TBC1D4: variants seen among roughly 807,000 people sequenced by gnomAD.
TBC1D4 encodes the protein TBC (Tre-2, BUB2, CDC16) domain-containing protein.
Under a neutral mutation model 142.5 loss-of-function variants are expected in TBC1D4, and 121 were observed. The ratio of observed to expected loss-of-function variants is 0.85; its 90% CI spans 0.73 to 0.99. TBC1D4 has a LOEUF of 0.99. Among genes scored for constraint, TBC1D4 ranks in the 50% least tolerant of loss-of-function variants. The pLI is 0.00. For missense variants in TBC1D4, 1,475 were observed against 1,606.6 expected (o/e 0.92, Z 1.40); for synonymous variants, 630 against 628.2 (o/e 1.00, Z -0.04).
chr13:75,379,253 TAC>T (rs1292633137), intron 1 of TBC1D4, among the ~76,000 whole-genome samples: 4 of 151,640 alleles, frequency 2.6e-5, no homozygotes, highest in African/African-American at 9.7e-5. Context: ...TTTTTATACA[TAC>T]ACACATGCAC....
intron 16 of TBC1D4, among the ~76,000 whole-genome samples, chr13:75,300,053 T>G (rs1876373390): frequency 6.6e-6 from 1 of 152,186 alleles, no homozygotes; most frequent in African/African-American, 2.4e-5. Context: ...CTGCTTTTCT[T>G]ATGACACTGG....
intron 1 of TBC1D4, among the ~76,000 whole-genome samples, chr13:75,444,738 A>T (rs1887199509): frequency 6.6e-6 from 1 of 152,164 alleles, no homozygotes; most frequent in Non-Finnish European, 1.5e-5. Flanking sequence ...ATCATTTATC[A>T]CTGCAGTCTG....
rs193089072 is a variant in TBC1D4, at chr13:75,310,113, G to T, written c.2422C>A (p.Leu808Ile). Residue 808 changes from leucine to isoleucine, a missense_variant, in exon 14 of 21, where the codon CTC (leucine) becomes ATC (isoleucine). Leu to Ile is a conservative substitution (Grantham distance 5, BLOSUM62 2). This residue lies in a region of TBC1D4 where 1,227 missense variants were observed against 1,267.7 expected (regional missense o/e 0.97). Coordinates refer to ENST00000377636, the MANE Select transcript of TBC1D4 (RefSeq NM_014832.5). ...GGTTCCTCCTCCATGGTTGGAGAGA[G>T]GGGGGACAGTGGCAGCAGCTCGTTC... ...DRNELLPLSPLSPTMEEEPLV... is the reference protein window; with the variant it reads ...DRNELLPLSPISPTMEEEPLV... 6 of 1,611,720 alleles carry T rather than the reference G, an allele frequency of 3.7e-6. No individual in the cohort carries two copies. The highest frequency in any genetic ancestry group is 3.3e-5 in the Admixed American group (2 of 59,952).
intron 1 of TBC1D4, among the ~76,000 whole-genome samples, chr13:75,450,928 AAAGATACTCCTATCAATAGG>A (rs1426886569): frequency 6.6e-6 from 1 of 152,202 alleles, no homozygotes; most frequent in Non-Finnish European, 1.5e-5. Context: ...CATGAATAAC[AAAGATACTCCTATCAATAGG>A]AAGAGTCCAG....
At chr13:75,426,849 C>G (rs1593873335) in intron 1 of TBC1D4, among the ~76,000 whole-genome samples, 1 of 150,466 alleles carries the variant, frequency 6.6e-6, no homozygotes, top group East Asian at 2.0e-4. Context: ...TGAGATCAGC[C>G]CAGGCAACAT....
At chr13:75,304,756 G>A (rs1274011581) in intron 15 of TBC1D4, among the ~76,000 whole-genome samples, 1 of 152,108 alleles carries the variant, frequency 6.6e-6, no homozygotes, top group Non-Finnish European at 1.5e-5. Context: ...GAAGAGGATG[G>A]AGTGGAAAGA....
At chr13:75,469,503 G>A (rs1014870233) in intron 1 of TBC1D4, among the ~76,000 whole-genome samples, 2 of 152,170 alleles carry the variant, frequency 1.3e-5, no homozygotes, top group Non-Finnish European at 2.9e-5. Flanking sequence ...AGGTGCTGTG[G>A]CTCATACCTG....
At chr13:75,302,493 G>C (rs543145) in intron 15 of TBC1D4, 92 bp from the exon 16 acceptor site, 1 of 1,471,484 alleles carries the variant, frequency 6.8e-7, no homozygotes, top group African/African-American at 1.4e-5. Context: ...TGGTAAACAG[G>C]CAGCTGTATG....
At chr13:75,474,312 C>T (rs2138338364) in intron 1 of TBC1D4, among the ~76,000 whole-genome samples, 1 of 152,342 alleles carries the variant, frequency 6.6e-6, no homozygotes, top group East Asian at 1.9e-4. Context: ...GTAATCCCAG[C>T]ACTTTGGGAG....
intron 1 of TBC1D4, among the ~76,000 whole-genome samples, chr13:75,461,376 A>C (rs1887958961): frequency 6.6e-6 from 1 of 152,234 alleles, no homozygotes; most frequent in Non-Finnish European, 1.5e-5. Context: ...GTAAAGGACT[A>C]TCTGTGGATT....
intron 1 of TBC1D4, among the ~76,000 whole-genome samples, chr13:75,378,062 A>G (rs1317480090): frequency 3.3e-5 from 5 of 152,154 alleles, no homozygotes; most frequent in African/African-American, 1.2e-4. Context: ...CATTAGTACT[A>G]TGGCTATATG....
intron 1 of TBC1D4, among the ~76,000 whole-genome samples, chr13:75,379,262 G>GCGCA (rs1555313474): frequency 8.0e-5 from 12 of 149,082 alleles, no homozygotes; most frequent in African/African-American, 2.9e-4. Flanking sequence ...ATACACACAT[G>GCGCA]CACACACACA....
chr13:75,310,641 TC>T (rs545636271), intron 13 of TBC1D4, among the ~76,000 whole-genome samples: 1 of 152,290 alleles, frequency 6.6e-6, no homozygotes, highest in African/African-American at 2.4e-5. Flanking sequence ...TTTTTCTTTT[TC>T]TTTTTCAATT....
chr13:75,376,864 C>A (rs139707940), intron 1 of TBC1D4, among the ~76,000 whole-genome samples: 9 of 152,300 alleles, frequency 5.9e-5, no homozygotes, highest in Non-Finnish European at 1.0e-4. Flanking sequence ...TTCTTAATTT[C>A]ATTTCAGCTT....
At chr13:75,466,030 C>A (rs1220392738) in intron 1 of TBC1D4, among the ~76,000 whole-genome samples, 7 of 152,168 alleles carry the variant, frequency 4.6e-5, no homozygotes, top group African/African-American at 1.4e-4. Flanking sequence ...CTCCCTAAAA[C>A]CAAGTTGTGG....
At position 75,326,236 on chromosome 13, in the gene TBC1D4, C is replaced by A. The variant is rs770428762; in HGVS notation, c.1994G>T (p.Arg665Leu). 1.2e-6 allele frequency: 2 copies of A among 1,614,042 alleles called. No individual in the cohort carries two copies. Residue 665 changes from arginine (R) to leucine (L), a missense_variant, in exon 10 of 21, where the codon CGT becomes CTT. Physicochemically the swap from Arg to Leu is moderately radical, Grantham distance 102. Coordinates refer to ENST00000377636, the MANE Select transcript of TBC1D4 (RefSeq NM_014832.5). The part of the protein sequence containing the change: ...NLQDGRAQGV[R>L]SPLLRQSSSE... Reference sequence around the variant, plus strand: ...GGAGCTCTGCCTCAGCAGAGGGGAACGCACACCCTGAGCCCTCCCATCCTG... The same window carrying A: ...GGAGCTCTGCCTCAGCAGAGGGGAAAGCACACCCTGAGCCCTCCCATCCTG...
intron 13 of TBC1D4, among the ~76,000 whole-genome samples, chr13:75,310,962 G>T (rs1430004137): frequency 1.3e-5 from 2 of 152,080 alleles, no homozygotes; most frequent in East Asian, 3.9e-4. Context: ...CATCCATGTG[G>T]CTCCAAAGGA....
chr13:75,323,983 G>C (rs997443272), intron 11 of TBC1D4, among the ~76,000 whole-genome samples: 2 of 151,822 alleles, frequency 1.3e-5, no homozygotes. Flanking sequence ...TTGAGAAAAC[G>C]AAACACACAA....
chr13:75,302,797 C>T, intron 15 of TBC1D4: 1 of 252,060 alleles, frequency 4.0e-6, no homozygotes, highest in South Asian at 5.2e-5. Flanking sequence ...GAAGTAATTG[C>T]CCCAAGTTCA....
Sources: gnomAD v4.1 joint callset for allele counts (sites outside exome capture counted in the v4.1 genomes callset) on GRCh38, gnomAD v4.1.1 for gene constraint, gnomAD v4.1.1 regional missense constraint, MANE v1.5 for transcripts, NCBI Gene and HGNC (gene_info 2026-07-23, HGNC 2026-07-21) for gene names.